UTP20: variants seen among roughly 807,000 people sequenced by gnomAD.
The protein encoded by UTP20 is UTP20 small subunit processome component.
A neutral mutation model predicts 329.5 loss-of-function variants in UTP20; 164 were observed. The observed-to-expected ratio is 0.50, with a 90% CI of 0.44 to 0.57. UTP20 has a LOEUF of 0.57. Ranked by LOEUF, UTP20 falls within the 20% of genes least tolerant of loss-of-function variation. The pLI, the probability that UTP20 is intolerant of heterozygous loss-of-function variation, is 0.00. For missense variants in UTP20, 3,055 were observed against 3,284.2 expected (o/e 0.93, Z 1.71); for synonymous variants, 1,151 against 1,159.3 (o/e 0.99, Z 0.14).
rs1437033496 is a variant in UTP20 at position 101,384,747 on chromosome 12, T to TGAAGCAAATGTC, written c.8057-835_8057-824dup. On this transcript the variant is annotated intron_variant, in intron 60 of 61. Coordinates refer to ENST00000261637, the MANE Select transcript of UTP20 (RefSeq NM_014503.3). The stretch of plus-strand genomic sequence containing the variant: ...GTTCAGAGTTTGAAAATAAAACAAA[T>TGAAGCAAATGTC]GAAGCAAATGTCAAAGCAAGAGCTT... 2.0e-5 allele frequency among the ~76,000 whole-genome samples: 3 copies of TGAAGCAAATGTC among 152,036 alleles called. No individual in the cohort carries two copies. In the East Asian group the frequency reaches 5.8e-4, roughly 29 times the overall value.
chr12:101,378,693 T>A (rs368033511), intron 56 of UTP20, among the ~76,000 whole-genome samples: 1 of 151,318 alleles, frequency 6.6e-6, no homozygotes, highest in African/African-American at 2.4e-5. Context: ...CACTCCAGCC[T>A]GGGCAATGGG....
chr12:101,313,356 C>T (rs1167736901), intron 21 of UTP20, among the ~76,000 whole-genome samples: 1 of 151,980 alleles, frequency 6.6e-6, no homozygotes, highest in Non-Finnish European at 1.5e-5. Context: ...GGCAGAAAGT[C>T]AGCAGGAGAT....
At chr12:101,314,196 T>C (rs923496709) in intron 21 of UTP20, among the ~76,000 whole-genome samples, 4 of 152,006 alleles carry the variant, frequency 2.6e-5, no homozygotes, top group Admixed American at 1.3e-4. Context: ...GGAAATCAAG[T>C]GAAGAGACTA....
chr12:101,301,088 A>T (rs577976771), intron 14 of UTP20, among the ~76,000 whole-genome samples: 1 of 152,330 alleles, frequency 6.6e-6, no homozygotes, highest in Admixed American at 6.5e-5. Flanking sequence ...AAATGTAAAA[A>T]ACATTTTTAG....
At chr12:101,300,836 CAT>C (rs1263150104) in intron 14 of UTP20, among the ~76,000 whole-genome samples, 1 of 152,088 alleles carries the variant, frequency 6.6e-6, no homozygotes, top group Admixed American at 6.5e-5. Flanking sequence ...GCTCTGTAGC[CAT>C]ATGTGACTGG....
chr12:101,355,261 T>A, intron 41 of UTP20, 143 bp downstream of exon 41: 1 of 912,324 alleles, frequency 1.1e-6, no homozygotes, highest in Non-Finnish European at 1.6e-6. Context: ...TTCACCCCTC[T>A]ACTCTTATCT....
chr12:101,363,424 C>T, intron 44 of UTP20, 152 bp from the exon 45 acceptor site: 1 of 611,692 alleles, frequency 1.6e-6, no homozygotes, highest in Non-Finnish European at 2.7e-6. Flanking sequence ...AAAACAAGTG[C>T]ATTCTAAAAG....
chr12:101,301,481 A>G (rs1225520231), intron 14 of UTP20, among the ~76,000 whole-genome samples: 1 of 152,152 alleles, frequency 6.6e-6, no homozygotes, highest in Non-Finnish European at 1.5e-5. Context: ...CAGCCTGGCC[A>G]ACACGGGGAA....
rs775297709 is a variant in UTP20, at chr12:101,333,313, T to A, written c.3430T>A (p.Phe1144Ile). ...CTTTGTTTTACAGATACAGCTGAGA[T>A]TTATTAATCCATTGAAAAATTTAAG... The part of the protein sequence containing the change: ...LDQREKIQLR[F>I]INPLKNLRRL... The change falls in exon 28 of 62, where the codon TTT becomes ATT. Residue 1144 changes from phenylalanine to isoleucine, a missense_variant. Physicochemically the swap from Phe to Ile is conservative, Grantham distance 21. Coordinates refer to ENST00000261637, the MANE Select transcript of UTP20 (RefSeq NM_014503.3). 5.0e-6 allele frequency: 8 copies of A among 1,613,464 alleles called. No individual in the cohort carries two copies. In the Admixed American group the frequency reaches 1.3e-4, roughly 27 times the overall value.
At chr12:101,370,350 G>A (rs190133925) in intron 49 of UTP20, 82 bp from the exon 50 acceptor site, 2 of 1,448,476 alleles carry the variant, frequency 1.4e-6, no homozygotes, top group East Asian at 2.4e-5. Flanking sequence ...GCATACTTGT[G>A]TGTTGTGTTA....
At chr12:101,345,446 C>A in intron 36 of UTP20, 108 bp from the exon 37 acceptor site, 2 of 744,416 alleles carry the variant, frequency 2.7e-6, no homozygotes, top group Non-Finnish European at 4.1e-6. Context: ...TTTTTTTTAA[C>A]AGTGGAAATA....
rs1485829070 is a variant in UTP20 at position 101,342,836 on chromosome 12, A to C, written c.4295A>C (p.Lys1432Thr). ...TTAAAATATATTACTGATGTTGTCA[A>C]GGTAAGAAAGAAGGGTTTCTCTTTG... ...SGLKYITDVVKLNAFDQRHLD... is the reference protein window; with the variant it reads ...SGLKYITDVVTLNAFDQRHLD... The change falls in exon 34 of 62, where the codon AAG becomes ACG. Residue 1432 changes from lysine to threonine, a missense_variant and splice_region_variant. Lys to Thr is a moderately conservative substitution (Grantham distance 78). Transcript: ENST00000261637. 6.2e-7 allele frequency: 1 copy of C among 1,613,152 alleles called. No homozygotes were observed. The highest frequency in any genetic ancestry group is 1.3e-5 in the African/African-American group (1 of 75,002).
chr12:101,379,626 A>G, intron 57 of UTP20, 68 bp downstream of exon 57: 2 of 1,507,616 alleles, frequency 1.3e-6, no homozygotes, highest in Admixed American at 2.0e-5. Context: ...TCATGTAACT[A>G]TCTTCGGGCC....
At position 101,289,133 on chromosome 12, in the gene UTP20, T is replaced by C. The variant is rs138044528; in HGVS notation, c.597+92T>C. 4.9e-4 allele frequency: 552 copies of C among 1,132,236 alleles called. No individual in the cohort carries two copies. In the African/African-American group the frequency reaches 7.4e-3, roughly 15 times the overall value. The allele number at this position is 1,132,236 out of a possible 1,614,324, so 70.1% of individuals were successfully genotyped here. On this transcript the variant is annotated intron_variant, in intron 6 of 61. Coordinates refer to ENST00000261637, the MANE Select transcript of UTP20 (RefSeq NM_014503.3). ...GGCTCATGCCTGTAATCCCAACACC[T>C]TGGGAGGCCGAGGCAGGTGGATCAC...
intron 56 of UTP20, among the ~76,000 whole-genome samples, chr12:101,378,880 C>G (rs1870557252): frequency 6.6e-6 from 1 of 152,038 alleles, no homozygotes; most frequent in Admixed American, 6.6e-5. Flanking sequence ...TTTCCAGTGC[C>G]TCTCCCACCT....
chr12:101,293,058 CAG>C (rs1419923774), intron 10 of UTP20, 108 bp from the exon 11 acceptor site: 8 of 1,082,688 alleles, frequency 7.4e-6, no homozygotes, highest in African/African-American at 1.5e-5. Context: ...GGCAACTGGA[CAG>C]AGCACTGAGT....
intron 12 of UTP20, among the ~76,000 whole-genome samples, chr12:101,299,433 A>T (rs894990294): frequency 2.0e-5 from 3 of 152,198 alleles, no homozygotes; most frequent in African/African-American, 7.2e-5. Context: ...CATACTTAAA[A>T]CTAGAAGAAA....
chr12:101,308,900 T>C (rs1256356024), intron 18 of UTP20, among the ~76,000 whole-genome samples: 1 of 152,044 alleles, frequency 6.6e-6, no homozygotes, highest in Admixed American at 6.5e-5. Context: ...ACCTGGCTAA[T>C]TTTTTTGTAT....
At chr12:101,363,812 CG>C in intron 45 of UTP20, 69 bp downstream of exon 45, 2 of 1,027,414 alleles carry the variant, frequency 1.9e-6, no homozygotes, top group Non-Finnish European at 3.0e-6. Context: ...AGGAACCATG[CG>C]GGGCAAACTG....
Sources: allele counts gnomAD v4.1 joint callset (sites outside exome capture counted in the v4.1 genomes callset), GRCh38; gene constraint gnomAD v4.1.1; transcripts MANE v1.5; gene names NCBI Gene and HGNC (gene_info 2026-07-23, HGNC 2026-07-21).